The following FAT1 variants were observed in gnomAD, a reference collection of about 807,000 sequenced individuals.
The protein encoded by FAT1 is FAT atypical cadherin 1, also known as protocadherin Fat 1.
FAT1 carries 171 observed loss-of-function variants against 329.8 expected under a neutral mutation model. The ratio of observed to expected loss-of-function variants is 0.52; its 90% CI spans 0.46 to 0.59. The LOEUF (loss-of-function observed/expected upper bound fraction) is 0.59, where lower values mean the gene tolerates loss of function less well. Ranked by LOEUF, FAT1 falls within the 20% of genes least tolerant of loss-of-function variation. The pLI is 0.00. For synonymous variants in FAT1, 2,233 were observed against 2,228.6 expected (o/e 1.00, Z -0.06); for missense variants, 5,672 against 5,774.4 (o/e 0.98, Z 0.57).
At chr4:186,624,052 G>C (rs1740176522) in intron 9 of FAT1, among the ~76,000 whole-genome samples, 1 of 152,128 alleles carries the variant, frequency 6.6e-6, no homozygotes. Context: ...GAAACAATGA[G>C]GGCTGCTGAG....
chr4:186,609,561 C>T (rs564505880), intron 15 of FAT1, among the ~76,000 whole-genome samples: 4 of 152,184 alleles, frequency 2.6e-5, no homozygotes, highest in Non-Finnish European at 4.4e-5. Context: ...GGACTACAGG[C>T]GCCCGCCACC....
rs2126489003 is a variant in FAT1 at position 186,617,889 on chromosome 4, G to A, written c.8697C>T (p.Ser2899=). The change falls in exon 10 of 27, where the codon TCC becomes TCT. Residue 2899 remains serine, a synonymous_variant. Transcript: ENST00000441802. ...ASDHGEKIQL[S]STAIVDVTVT... The stretch of plus-strand genomic sequence containing the variant: ...CGGTAACATCCACAATGGCTGTGGA[G>A]GATAGCTGGATCTTTTCACCATGAT... 2 of 1,613,978 alleles carry A rather than the reference G, an allele frequency of 1.2e-6. No individual in the cohort carries two copies. Among genetic ancestry groups the A allele is most frequent in the East Asian group, 2.2e-5 (1 of 44,882 alleles).
At chr4:186,604,656 T>C in intron 17 of FAT1, 82 bp from the exon 18 acceptor site, 1 of 843,012 alleles carries the variant, frequency 1.2e-6, no homozygotes, top group Non-Finnish European at 1.8e-6. Flanking sequence ...GAGTTTTCTA[T>C]AATATAAAAT....
At chr4:186,683,546 T>C (rs996640287) in intron 2 of FAT1, among the ~76,000 whole-genome samples, 1 of 152,198 alleles carries the variant, frequency 6.6e-6, no homozygotes, top group Non-Finnish European at 1.5e-5. Flanking sequence ...TGTGAAATTT[T>C]CCGAAAGTTT....
chr4:186,621,338 T>C lies in FAT1; in HGVS notation c.5248A>G (p.Thr1750Ala), dbSNP rs759939379. 2.9e-5 allele frequency: 46 copies of C among 1,613,920 alleles called. No homozygotes were observed. The highest frequency in any genetic ancestry group is 1.2e-5 in the Non-Finnish European group (14 of 1,179,910). The change falls in exon 10 of 27, where the codon ACG becomes GCG. Residue 1750 changes from threonine to alanine, a missense_variant. Around this residue, in one of 2 missense-constraint regions of FAT1, gnomAD observed 3,966 missense variants for 3,915.2 expected, o/e 1.01. Transcript: ENST00000441802. The stretch of plus-strand genomic sequence containing the variant: ...TCATCCTGCAAGTGAACTAGAACCG[T>C]TGTATTAGTGGACAAACCAGCCATG... ...TNMAGLSTNTTVLVHLQDEND... is the reference protein window; with the variant it reads ...TNMAGLSTNTAVLVHLQDEND...
chr4:186,637,502 A>C (rs1740888807), intron 4 of FAT1, among the ~76,000 whole-genome samples: 2 of 152,222 alleles, frequency 1.3e-5, no homozygotes, highest in African/African-American at 4.8e-5. Context: ...AGTGGACCTA[A>C]ACATTTAAAT....
At chr4:186,638,923 C>T (rs1018899819) in intron 4 of FAT1, among the ~76,000 whole-genome samples, 4 of 151,750 alleles carry the variant, frequency 2.6e-5, no homozygotes, top group South Asian at 2.1e-4. Context: ...CCCCTCTCTG[C>T]GGTCTGCCTG....
chr4:186,688,114 GAAAAAAAAAA>G (rs55834504), intron 2 of FAT1, among the ~76,000 whole-genome samples: 1 of 55,654 alleles, frequency 1.8e-5, no homozygotes, highest in African/African-American at 5.7e-5. Context: ...ACTCAAAGCT[GAAAAAAAAAA>G]AAAAAAAAAG....
intron 6 of FAT1, 129 bp downstream of exon 6, chr4:186,635,896 G>A (rs996716414): frequency 3.9e-6 from 3 of 771,488 alleles, no homozygotes; most frequent in Non-Finnish European, 4.1e-6. Flanking sequence ...ATAGTTGAAA[G>A]CAAATTCTCC....
intron 9 of FAT1, among the ~76,000 whole-genome samples, 199 bp from the exon 10 acceptor site, chr4:186,621,974 T>C (rs1180288299): frequency 6.6e-6 from 1 of 152,222 alleles, no homozygotes; most frequent in African/African-American, 2.4e-5. Flanking sequence ...TTACAGAATT[T>C]TGTCCATAAA....
rs755144535 is a variant in FAT1 at position 186,611,388 on chromosome 4, G to A, written c.9851C>T (p.Thr3284Ile). ...CTCTCAGATACATGGTAGGTTACCTGTTTTAGAATCTATGCTGAATTTCCC... is the reference window on the plus strand; with the variant it reads ...CTCTCAGATACATGGTAGGTTACCTATTTTAGAATCTATGCTGAATTTCCC... Reference protein sequence around the residue: ...EHGKFSIDSKTGAVFIIENLD... With the variant: ...EHGKFSIDSKIGAVFIIENLD... Residue 3284 changes from threonine (T) to isoleucine (I), a missense_variant and splice_region_variant, in exon 14 of 27, where the codon ACA (threonine) becomes ATA (isoleucine). Thr to Ile is a moderately conservative substitution (Grantham distance 89, BLOSUM62 -1). Coordinates refer to ENST00000441802, the MANE Select transcript of FAT1 (RefSeq NM_005245.4). 4 of 1,606,860 alleles carry A rather than the reference G, an allele frequency of 2.5e-6. No homozygotes were observed.
At chr4:186,653,885 C>T (rs1479341912) in intron 3 of FAT1, among the ~76,000 whole-genome samples, 1 of 152,038 alleles carries the variant, frequency 6.6e-6, no homozygotes, top group African/African-American at 2.4e-5. Flanking sequence ...ATGACCCCTG[C>T]GGTACATGCT....
intron 2 of FAT1, among the ~76,000 whole-genome samples, chr4:186,674,281 G>A (rs1257500391): frequency 6.6e-6 from 1 of 152,138 alleles, no homozygotes. Context: ...TGAATTAATG[G>A]ATTACCTTAC....
At chr4:186,663,666 A>G (rs2126619293) in intron 2 of FAT1, 53 bp from the exon 3 acceptor site, 2 of 1,413,364 alleles carry the variant, frequency 1.4e-6, no homozygotes, top group South Asian at 2.6e-5. Flanking sequence ...CAAAACTGCC[A>G]GCTTCAGAAA....
Position 186,669,322 on chromosome 4 carries a change from CAGG to C in FAT1, c.3266-5712_3266-5710del, listed in dbSNP as rs1180893572. Among the ~76,000 whole-genome samples the C allele has an allele frequency of 1.5e-4, 23 of 152,316 alleles. 1 individual carries two copies. In the East Asian group the frequency reaches 4.3e-3, roughly 28 times the overall value. ...AGGGAAACTCTGTCGCCACTCCCGT[CAGG>C]AGGTTGCCGTGCACACGCAGTGAGA... On this transcript the variant is annotated intron_variant, in intron 2 of 26. Transcript: ENST00000441802.
chr4:186,723,046 AT>A lies in FAT1; in HGVS notation c.-19+617del, dbSNP rs138367843. On this transcript the variant is annotated intron_variant, in intron 1 of 26. Transcript: ENST00000441802. ...GAAAGCTGGCTCTCTAAAAGAAAGC[AT>A]TTTTTTTTAAAGGCAATGAAGGACC... 3.1e-3 allele frequency among the ~76,000 whole-genome samples: 473 copies of A among 151,758 alleles called. 1 individual carries two copies. The highest frequency in any genetic ancestry group is 4.6e-3 in the Non-Finnish European group (312 of 67,874).
chr4:186,724,309 G>A (rs936435656), upstream of FAT1, among the ~76,000 whole-genome samples: 1 of 151,962 alleles, frequency 6.6e-6, no homozygotes, highest in South Asian at 2.1e-4. The surrounding 1 kb of genome is among the most constrained non-coding windows in gnomAD (Gnocchi z 5.3). Flanking sequence ...CTCTGGGTCC[G>A]CGAAGGTTTG....
chr4:186,621,262 C>T lies in FAT1; in HGVS notation c.5324G>A (p.Ser1775Asn), dbSNP rs1740033019. 6.2e-7 allele frequency: 1 copy of T among 1,614,038 alleles called. No individual in the cohort carries two copies. Among genetic ancestry groups the T allele is most frequent in the East Asian group, 2.2e-5 (1 of 44,890 alleles). The change falls in exon 10 of 27, where the codon AGT (serine) becomes AAT (asparagine). Residue 1775 changes from serine to asparagine, a missense_variant. Physicochemically the swap from Ser to Asn is conservative, Grantham distance 46 (BLOSUM62 1). Coordinates refer to ENST00000441802, the MANE Select transcript of FAT1 (RefSeq NM_005245.4). ...FMQAEYTGLI[S>N]ESASINSVVL... ...CACGCTGTTAATTGAGGCTGATTCA[C>T]TAATGAGTCCTGTATATTCTGCCTG...
chr4:186,683,193 C>T (rs185229452), intron 2 of FAT1, among the ~76,000 whole-genome samples: 2 of 152,208 alleles, frequency 1.3e-5, no homozygotes, highest in African/African-American at 4.8e-5. Flanking sequence ...CTAAGGAGGC[C>T]ATGCACACCC....
Sources: allele counts gnomAD v4.1 joint callset (sites outside exome capture counted in the v4.1 genomes callset), GRCh38; gene constraint gnomAD v4.1.1; regional missense constraint gnomAD v4.1.1; non-coding constraint Gnocchi (gnomAD v3.1); transcripts MANE v1.5; gene names NCBI Gene and HGNC (gene_info 2026-07-23, HGNC 2026-07-21).